RASL10B: variants seen among roughly 807,000 people sequenced by gnomAD.
RASL10B encodes the protein RAS like family 10 member B.
Under a neutral mutation model 20.7 loss-of-function variants are expected in RASL10B, and 10 were observed. The ratio of observed to expected loss-of-function variants is 0.48; its 90% CI spans 0.30 to 0.82. RASL10B has a LOEUF of 0.82. Ranked by LOEUF, RASL10B falls within the 40% of genes least tolerant of loss-of-function variation. RASL10B has a pLI of 0.07. For missense variants in RASL10B, 231 were observed against 295.4 expected (o/e 0.78, Z 1.60); for synonymous variants, 110 against 123.3 (o/e 0.89, Z 0.72).
chr17:35,742,099 T>TG lies in RASL10B; in HGVS notation c.*794_*795insG, dbSNP rs1491564151. The TG allele has an allele frequency of 6.0e-5, 4 of 66,566 alleles. No homozygotes were observed. In the East Asian group the frequency reaches 3.3e-3, roughly 54 times the overall value. 4.1% of individuals were successfully genotyped at this position (66,566 alleles called of 1,614,324 possible). A position where few individuals can be genotyped will look rare whatever the true frequency, so the allele number is the denominator to read the frequency against. Reference sequence around the variant, plus strand: ...ACCCCCTGGGTTAAAACTTTTTTTCTTTTTTTTTTTTGGACAGAGTGTGGA... The same window carrying TG: ...ACCCCCTGGGTTAAAACTTTTTTTCTGTTTTTTTTTTTGGACAGAGTGTGGA... On this transcript the variant is annotated 3_prime_UTR_variant, in exon 4 of 4. Transcript: ENST00000603017.
intron 2 of RASL10B, among the ~76,000 whole-genome samples, chr17:35,736,445 GC>G (rs1555597223): frequency 2.0e-5 from 3 of 152,232 alleles, no homozygotes; most frequent in Non-Finnish European, 4.4e-5. Context: ...AGGCAGGAGG[GC>G]CCTGGCCTAA....
chr17:35,737,628 G>A (rs1196352851), intron 2 of RASL10B, among the ~76,000 whole-genome samples: 1 of 152,160 alleles, frequency 6.6e-6, no homozygotes, highest in Non-Finnish European at 1.5e-5. Context: ...AGAGCCAGGT[G>A]AGGTGGCTCA....
intron 3 of RASL10B, 93 bp downstream of exon 3, chr17:35,740,626 A>C: frequency 7.0e-7 from 1 of 1,429,454 alleles, no homozygotes; most frequent in Non-Finnish European, 9.6e-7. Flanking sequence ...GGACACAGAT[A>C]GAGGTATATG....
chr17:35,741,058 C>A lies in RASL10B; in HGVS notation c.365C>A (p.Pro122His), dbSNP rs1555597869. ...AGGGTGATCGGAACCTCAGAGACGC[C>A]CATCATCATCGTGGGCAACAAGCGG... The part of the protein sequence containing the change: ...ETRVIGTSET[P>H]IIIVGNKRDL... Residue 122 changes from proline (P) to histidine (H), a missense_variant, in exon 4 of 4, where the codon CCC becomes CAC. Physicochemically the swap from Pro to His is moderately conservative, Grantham distance 77 (BLOSUM62 -2). Transcript: ENST00000603017. The A allele has an allele frequency of 6.2e-7, 1 of 1,607,490 alleles. No homozygotes were observed. Among genetic ancestry groups the A allele is most frequent in the South Asian group, 1.1e-5 (1 of 90,780 alleles).
At position 35,742,166 on chromosome 17, in the gene RASL10B, G is replaced by A. The variant is rs2085633781; in HGVS notation, c.*861G>A. On this transcript the variant is annotated 3_prime_UTR_variant, in exon 4 of 4. Coordinates refer to ENST00000603017, the MANE Select transcript of RASL10B (RefSeq NM_033315.4). Reference sequence around the variant, plus strand: ...GGATAGCTTCTTTTTCATGATGCCAGGCTCCAGTCCTTTATTCCCTTCTGC... The same window carrying A: ...GGATAGCTTCTTTTTCATGATGCCAAGCTCCAGTCCTTTATTCCCTTCTGC... 6.6e-6 allele frequency: 1 copy of A among 152,088 alleles called. No homozygotes were observed. Among genetic ancestry groups the A allele is most frequent in the South Asian group, 2.1e-4 (1 of 4,814 alleles). 9.4% of individuals were successfully genotyped at this position (152,088 alleles called of 1,614,324 possible).
At chr17:35,733,277 C>T (rs2085570698) in intron 1 of RASL10B, among the ~76,000 whole-genome samples, 1 of 152,198 alleles carries the variant, frequency 6.6e-6, no homozygotes, top group African/African-American at 2.4e-5. Context: ...GACCCCTGCC[C>T]ATAGCAGTGG....
At position 35,741,137 on chromosome 17, in the gene RASL10B, C is replaced by A; in HGVS notation, c.444C>A (p.Arg148=). 1 of 1,613,594 alleles carries A rather than the reference C, an allele frequency of 6.2e-7. No homozygotes were observed. The stretch of plus-strand genomic sequence containing the variant: ...GCTGGAACGTGTCGCACCTGGTACG[C>A]AAGACCTGGAAGTGCGGCTACGTGG... The part of the protein sequence containing the change: ...IPRWNVSHLV[R]KTWKCGYVEC... The change falls in exon 4 of 4, where the codon CGC becomes CGA. Residue 148 remains arginine, a synonymous_variant. Coordinates refer to ENST00000603017, the MANE Select transcript of RASL10B (RefSeq NM_033315.4).
chr17:35,735,214 G>A lies in RASL10B; in HGVS notation c.30G>A (p.Leu10=), dbSNP rs142949693. The change falls in exon 2 of 4, where the codon CTG becomes CTA. Residue 10 remains leucine (L), a synonymous_variant. Coordinates refer to ENST00000603017, the MANE Select transcript of RASL10B (RefSeq NM_033315.4). This position sits in a 1 kb window ranked among gnomAD's most constrained non-coding sequence, Gnocchi z 6.7. ...TCTCCACCTACCGGGTGGCCGTGCT[G>A]GGGGCGCGAGGTGTGGGCAAGAGTG... MVSTYRVAV[L]GARGVGKSAI... 166 of 1,611,874 alleles carry A rather than the reference G, an allele frequency of 1.0e-4. No homozygotes were observed. In the African/African-American group the frequency reaches 2.0e-3, roughly 20 times the overall value.
At position 35,741,341 on chromosome 17, in the gene RASL10B, C is replaced by T. The variant is rs1456112892; in HGVS notation, c.*36C>T. On this transcript the variant is annotated 3_prime_UTR_variant, in exon 4 of 4. Transcript: ENST00000603017. Reference sequence around the variant, plus strand: ...CCCCTCGGGCTGCACCGGCACTGGCCGAGCGGAGGGCGGGGCCGTACTGCG... The same window carrying T: ...CCCCTCGGGCTGCACCGGCACTGGCTGAGCGGAGGGCGGGGCCGTACTGCG... 1.1e-5 allele frequency: 16 copies of T among 1,400,794 alleles called. No homozygotes were observed. The highest frequency in any genetic ancestry group is 1.5e-5 in the African/African-American group (1 of 66,342). The allele number at this position is 1,400,794 out of a possible 1,614,324, so 86.8% of individuals were successfully genotyped here. A position where few individuals can be genotyped will look rare whatever the true frequency, so the allele number is the denominator to read the frequency against.
In RASL10B at chr17:35,740,510, C is replaced by T. The variant is rs1489070364; in HGVS notation, c.318C>T (p.Ile106=). ...ACAGCTTTGAGTACGTCAAGACCAT[C>T]CGCCAGCAGATCCTGGAGACGAGGT... The part of the protein sequence containing the change: ...CFDSFEYVKT[I]RQQILETRVI... Residue 106 remains isoleucine, a synonymous_variant, in exon 3 of 4, where the codon ATC becomes ATT. Transcript: ENST00000603017. 1.9e-6 allele frequency: 3 copies of T among 1,613,778 alleles called. No individual in the cohort carries two copies. Among genetic ancestry groups the T allele is most frequent in the Non-Finnish European group, 2.5e-6 (3 of 1,179,796 alleles).
rs587746684 is a variant in RASL10B, at chr17:35,733,920, C to T, written c.-147-1118C>T. On this transcript the variant is annotated intron_variant, in intron 1 of 3. Transcript: ENST00000603017. ...CTAGCAGCCCTTTTCTGGGCACCTGCTATGTGCCAGGCCCTCTGGGCTCTA... is the reference window on the plus strand; with the variant it reads ...CTAGCAGCCCTTTTCTGGGCACCTGTTATGTGCCAGGCCCTCTGGGCTCTA... 4.6e-5 allele frequency among the ~76,000 whole-genome samples: 7 copies of T among 152,350 alleles called. No individual in the cohort carries two copies. In the South Asian group the frequency reaches 1.2e-3, roughly 27 times the overall value.
chr17:35,741,258 C>A lies in RASL10B; in HGVS notation c.565C>A (p.Leu189Met). ...CCGTTGCAAGCACGTGCACGCTGCC[C>A]TGCGCTTCCAGGGCGCGCTGCGCCG... ...CARCKHVHAA[L>M]RFQGALRRNR... Residue 189 changes from leucine (L) to methionine (M), a missense_variant, in exon 4 of 4, where the codon CTG becomes ATG. Transcript: ENST00000603017. The A allele has an allele frequency of 6.4e-7, 1 of 1,564,514 alleles. No homozygotes were observed. The highest frequency in any genetic ancestry group is 1.8e-5 in the Admixed American group (1 of 54,298).
chr17:35,740,798 G>A, intron 3 of RASL10B, among the ~76,000 whole-genome samples: 1 of 152,234 alleles, frequency 6.6e-6, no homozygotes, highest in East Asian at 1.9e-4. Flanking sequence ...TCAGCTGCAT[G>A]ACTTGAAGCC....
At chr17:35,739,577 C>G (rs1480891756) in intron 2 of RASL10B, among the ~76,000 whole-genome samples, 1 of 152,248 alleles carries the variant, frequency 6.6e-6, no homozygotes, top group African/African-American at 2.4e-5. Context: ...CTCCCTGGAG[C>G]TGCCCAGGGG....
At position 35,740,549 on chromosome 17, in the gene RASL10B, A is replaced by C. The variant is rs781954924; in HGVS notation, c.341+16A>C. On this transcript the variant is annotated intron_variant, in intron 3 of 3. Coordinates refer to ENST00000603017, the MANE Select transcript of RASL10B (RefSeq NM_033315.4). ...TGGAGACGAGGTGAGAGGCTGGAACACAGTCCATTGCCACCTCTGTGGATG... is the reference window on the plus strand; with the variant it reads ...TGGAGACGAGGTGAGAGGCTGGAACCCAGTCCATTGCCACCTCTGTGGATG... The C allele has an allele frequency of 1.1e-5, 18 of 1,611,034 alleles. No individual in the cohort carries two copies. Among genetic ancestry groups the C allele is most frequent in the Non-Finnish European group, 1.5e-5 (18 of 1,178,200 alleles).
At chr17:35,734,852 A>G (rs1555596861) in intron 1 of RASL10B, among the ~76,000 whole-genome samples, 186 bp from the exon 2 acceptor site, 1 of 152,082 alleles carries the variant, frequency 6.6e-6, no homozygotes, top group African/African-American at 2.4e-5. Context: ...ATTGGGCCCT[A>G]CTACTGGAAT....
At chr17:35,737,398 C>T (rs1483250728) in intron 2 of RASL10B, among the ~76,000 whole-genome samples, 3 of 152,260 alleles carry the variant, frequency 2.0e-5, no homozygotes, top group South Asian at 2.1e-4. Context: ...TTCATGGCCA[C>T]GCCCTACTCC....
chr17:35,741,480 T>TGCCCA lies in RASL10B; in HGVS notation c.*180_*184dup. 1 of 944,884 alleles carries TGCCCA rather than the reference T, an allele frequency of 1.1e-6. No homozygotes were observed. Among genetic ancestry groups the TGCCCA allele is most frequent in the Non-Finnish European group, 1.4e-6 (1 of 692,322 alleles). 58.5% of individuals were successfully genotyped at this position (944,884 alleles called of 1,614,324 possible). A position where few individuals can be genotyped will look rare whatever the true frequency, so the allele number is the denominator to read the frequency against. ...AGCGCGAGAGGGAGCCCTCCGTAAC[T>TGCCCA]GCCCAGCCCTGCCCCTTGCCCCCGT... On this transcript the variant is annotated 3_prime_UTR_variant, in exon 4 of 4. Coordinates refer to ENST00000603017, the MANE Select transcript of RASL10B (RefSeq NM_033315.4).
At chr17:35,734,983 G>A in intron 1 of RASL10B, 55 bp from the exon 2 acceptor site, 1 of 601,214 alleles carries the variant, frequency 1.7e-6, no homozygotes, top group Non-Finnish European at 3.0e-6. Flanking sequence ...GTGGAAAAGT[G>A]CAGGACACGT....
Sources: allele counts gnomAD v4.1 joint callset (sites outside exome capture counted in the v4.1 genomes callset), GRCh38; gene constraint gnomAD v4.1.1; non-coding constraint Gnocchi (gnomAD v3.1); transcripts MANE v1.5; gene names NCBI Gene and HGNC (gene_info 2026-07-23, HGNC 2026-07-21).